The following DIP2C variants were observed in gnomAD, a reference collection of about 807,000 sequenced individuals.
DIP2C encodes the protein DIP2 acetate--CoA ligase C (putative), also known as disco-interacting protein 2 homolog C.
A neutral mutation model predicts 192.4 loss-of-function variants in DIP2C; 33 were observed. The ratio of observed to expected loss-of-function variants is 0.17; its 90% CI spans 0.13 to 0.23. The LOEUF (loss-of-function observed/expected upper bound fraction) is 0.23. Among genes scored for constraint, DIP2C ranks in the 10% least tolerant of loss-of-function variants. The pLI, the probability that DIP2C is intolerant of heterozygous loss-of-function variation, is 1.00. For missense variants in DIP2C, 1,537 were observed against 2,110.1 expected (o/e 0.73, Z 5.32); for synonymous variants, 979 against 864.1 (o/e 1.13, Z -2.33).
At position 353,482 on chromosome 10, in the gene DIP2C, G is replaced by A. The variant is rs572672783; in HGVS notation, c.2985+2944C>T. On this transcript the variant is annotated intron_variant, in intron 24 of 36. Coordinates refer to ENST00000280886, the MANE Select transcript of DIP2C (RefSeq NM_014974.3). ...TGGCTCACTGCAACCTCTGCTTCCCGGGTTCAAGCGACTCTCGTGCTTCCA... is the reference window on the plus strand; with the variant it reads ...TGGCTCACTGCAACCTCTGCTTCCCAGGTTCAAGCGACTCTCGTGCTTCCA... Among the ~76,000 whole-genome samples, 356 of 152,034 alleles carry A rather than the reference G, an allele frequency of 2.3e-3. 4 individuals carry two copies. Among genetic ancestry groups the A allele is most frequent in the African/African-American group, 8.1e-3 (333 of 41,332 alleles).
At chr10:473,678 C>T (rs528183005) in intron 2 of DIP2C, among the ~76,000 whole-genome samples, 1 of 152,244 alleles carries the variant, frequency 6.6e-6, no homozygotes, top group Admixed American at 6.5e-5. Flanking sequence ...GTCGTCCCCA[C>T]AGTTCCATGA....
At chr10:452,398 A>G (rs73573677) in intron 3 of DIP2C, among the ~76,000 whole-genome samples, 24,329 of 151,990 alleles carry the variant, frequency 0.16, 5,038 homozygotes, top group African/African-American at 0.48. Context: ...AAACACGTGG[A>G]AAAAGGACAA....
intron 4 of DIP2C, among the ~76,000 whole-genome samples, chr10:435,545 T>C (rs1172389592): frequency 2.6e-5 from 4 of 152,224 alleles, no homozygotes; most frequent in African/African-American, 9.6e-5. Context: ...CAGCGGGGGT[T>C]CCTTGGAGCT....
intron 10 of DIP2C, among the ~76,000 whole-genome samples, chr10:397,947 G>T (rs747913786): frequency 6.6e-6 from 1 of 152,178 alleles, no homozygotes; most frequent in African/African-American, 2.4e-5. Context: ...TTCAGACACA[G>T]TTGACCAGCA....
At chr10:518,070 A>T (rs987691060) in intron 1 of DIP2C, among the ~76,000 whole-genome samples, 1 of 152,236 alleles carries the variant, frequency 6.6e-6, no homozygotes, top group African/African-American at 2.4e-5. Flanking sequence ...GCACACCCCG[A>T]TATCACCAGC....
rs1024476813 is a variant in DIP2C, at chr10:662,692, G to A, written c.85+26802C>T. The A allele has an allele frequency of 2.9e-5, 16 of 551,152 alleles. No individual in the cohort carries two copies. In the South Asian group the frequency reaches 3.8e-4, roughly 13 times the overall value. The allele number at this position is 551,152 out of a possible 1,614,324, so 34.1% of individuals were successfully genotyped here. ...TCTTTTTAAAATTGTTATCAAATTA[G>A]GTATGGGCAGAAAATATATACAATG... On this transcript the variant is annotated intron_variant, in intron 1 of 36. Transcript: ENST00000280886.
chr10:420,041 C>A (rs1251854797), intron 5 of DIP2C, among the ~76,000 whole-genome samples: 2 of 152,194 alleles, frequency 1.3e-5, no homozygotes, highest in Non-Finnish European at 2.9e-5. Flanking sequence ...GGATCGCGAT[C>A]CTGAATCCTC....
chr10:565,214 G>T (rs1044158518), intron 1 of DIP2C, among the ~76,000 whole-genome samples: 8 of 152,072 alleles, frequency 5.3e-5, no homozygotes, highest in African/African-American at 1.7e-4. Flanking sequence ...AAGCGTGAAT[G>T]TCCTCTCTGT....
chr10:293,907 G>A (rs1004428104), intron 32 of DIP2C, among the ~76,000 whole-genome samples: 5 of 152,310 alleles, frequency 3.3e-5, no homozygotes, highest in Middle Eastern at 3.4e-3. Flanking sequence ...AGGGGAAGAA[G>A]ATCTGGATCA....
intron 36 of DIP2C, 95 bp downstream of exon 36, chr10:281,105 A>G: frequency 1.9e-6 from 3 of 1,545,100 alleles, no homozygotes; most frequent in Non-Finnish European, 2.6e-6. Context: ...TCCCTACCTT[A>G]ACAAAACTCT....
intron 2 of DIP2C, among the ~76,000 whole-genome samples, 179 bp from the exon 3 acceptor site, chr10:472,728 C>A (rs1182950704): frequency 2.0e-5 from 3 of 152,172 alleles, no homozygotes; most frequent in Non-Finnish European, 2.9e-5. Flanking sequence ...GCTCTCCCAC[C>A]GCCAGGGAGA....
At chr10:533,701 T>C (rs961559000) in intron 1 of DIP2C, among the ~76,000 whole-genome samples, 2 of 148,646 alleles carry the variant, frequency 1.3e-5, no homozygotes, top group African/African-American at 2.5e-5. Context: ...CACAGGGAAA[T>C]TTCTCATGGA....
chr10:682,244 A>T (rs979707302), intron 1 of DIP2C, among the ~76,000 whole-genome samples: 1 of 152,232 alleles, frequency 6.6e-6, no homozygotes, highest in South Asian at 2.1e-4. Flanking sequence ...CTCCAGCAGA[A>T]GATCCCCAGC....
chr10:587,135 G>A (rs1343193557), intron 1 of DIP2C, among the ~76,000 whole-genome samples: 1 of 150,262 alleles, frequency 6.7e-6, no homozygotes, highest in South Asian at 2.1e-4. Flanking sequence ...AACAGTGCAG[G>A]GTCTAAGGCC....
intron 2 of DIP2C, among the ~76,000 whole-genome samples, chr10:474,914 G>A (rs566776914): frequency 6.6e-6 from 1 of 152,178 alleles, no homozygotes; most frequent in South Asian, 2.1e-4. Flanking sequence ...AAGCCAGGTT[G>A]TAATATCCAT....
chr10:302,809 A>G (rs1013710432), intron 32 of DIP2C, among the ~76,000 whole-genome samples: 32 of 152,242 alleles, frequency 2.1e-4, no homozygotes, highest in African/African-American at 7.0e-4. Flanking sequence ...GCACCCATAT[A>G]GGGAACTTAC....
At chr10:483,941 C>T (rs1843809002) in intron 2 of DIP2C, among the ~76,000 whole-genome samples, 1 of 152,084 alleles carries the variant, frequency 6.6e-6, no homozygotes, top group Non-Finnish European at 1.5e-5. Context: ...TTCAGCCTCC[C>T]ATATAGCTGG....
At chr10:382,824 C>A in intron 16 of DIP2C, 63 bp from the exon 17 acceptor site, 1 of 1,241,022 alleles carries the variant, frequency 8.1e-7, no homozygotes, top group Non-Finnish European at 1.1e-6. Flanking sequence ...CAAAATCCCA[C>A]CATAGAAAAT....
intron 1 of DIP2C, among the ~76,000 whole-genome samples, chr10:573,047 G>A (rs1849923300): frequency 6.6e-6 from 1 of 151,076 alleles, no homozygotes; most frequent in Non-Finnish European, 1.5e-5. Flanking sequence ...ACCCACGAAT[G>A]AGAGGTACCA....
Sources: gnomAD v4.1 joint callset for allele counts (sites outside exome capture counted in the v4.1 genomes callset) on GRCh38, gnomAD v4.1.1 for gene constraint, MANE v1.5 for transcripts, NCBI Gene and HGNC (gene_info 2026-07-23, HGNC 2026-07-21) for gene names.